CBLB: variants seen among roughly 807,000 people sequenced by gnomAD.
CBLB encodes Cbl proto-oncogene B.
Under a neutral mutation model 104.9 loss-of-function variants are expected in CBLB, and 31 were observed. The ratio of observed to expected loss-of-function variants is 0.30; its 90% CI spans 0.22 to 0.40. The LOEUF (loss-of-function observed/expected upper bound fraction) is 0.40, where lower values mean the gene tolerates loss of function less well. Ranked by LOEUF, CBLB falls within the 10% of genes least tolerant of loss-of-function variation. The pLI, the probability that CBLB is intolerant of heterozygous loss-of-function variation, is 1.00. For synonymous variants in CBLB, 440 were observed against 422.6 expected (o/e 1.04, Z -0.51); for missense variants, 1,062 against 1,214.6 (o/e 0.87, Z 1.87).
intron 4 of CBLB, among the ~76,000 whole-genome samples, chr3:105,775,403 A>G (rs559804794): frequency 1.3e-5 from 2 of 152,346 alleles, no homozygotes; most frequent in East Asian, 1.9e-4. Flanking sequence ...AGGAAAACCA[A>G]TATCGCAGTT....
intron 3 of CBLB, among the ~76,000 whole-genome samples, chr3:105,834,174 G>A (rs890590843): frequency 4.3e-5 from 1 of 23,246 alleles, no homozygotes; most frequent in Non-Finnish European, 2.0e-4. Context: ...AGTTCAAGAG[G>A]TTAACAATGT....
At chr3:105,768,948 T>C (rs2078533784) in intron 4 of CBLB, among the ~76,000 whole-genome samples, 1 of 152,202 alleles carries the variant, frequency 6.6e-6, no homozygotes, top group African/African-American at 2.4e-5. Context: ...AATTTATATA[T>C]AATGAAGTCA....
intron 3 of CBLB, among the ~76,000 whole-genome samples, chr3:105,798,196 G>A (rs1271830817): frequency 2.6e-5 from 4 of 152,162 alleles, no homozygotes; most frequent in Non-Finnish European, 5.9e-5. Context: ...GAGATATAAA[G>A]TCCTAGTTAA....
chr3:105,715,883 A>G (rs1006405342), intron 10 of CBLB, among the ~76,000 whole-genome samples: 4 of 152,134 alleles, frequency 2.6e-5, no homozygotes, highest in Non-Finnish European at 5.9e-5. Context: ...TACTAAAAAT[A>G]CAAAAATTAG....
chr3:105,789,830 T>C (rs2081436846), intron 3 of CBLB, among the ~76,000 whole-genome samples: 1 of 152,182 alleles, frequency 6.6e-6, no homozygotes, highest in African/African-American at 2.4e-5. Context: ...CAATGGGGTC[T>C]CTGTTTAAAA....
chr3:105,665,694 T>A (rs1426878079), intron 18 of CBLB, among the ~76,000 whole-genome samples: 1 of 148,442 alleles, frequency 6.7e-6, no homozygotes, highest in East Asian at 1.9e-4. Flanking sequence ...TGCATAACTA[T>A]ATAAATACAA....
intron 3 of CBLB, among the ~76,000 whole-genome samples, chr3:105,839,674 C>A (rs1365274250): frequency 1.3e-5 from 2 of 152,182 alleles, no homozygotes; most frequent in African/African-American, 4.8e-5. Flanking sequence ...GCCATTGTAG[C>A]CACAGACAGT....
intron 3 of CBLB, among the ~76,000 whole-genome samples, chr3:105,798,834 T>G (rs907371109): frequency 6.6e-6 from 1 of 152,122 alleles, no homozygotes; most frequent in Non-Finnish European, 1.5e-5. Context: ...GATGTCAAAA[T>G]CTCCTAACTG....
chr3:105,761,519 T>TATA, intron 4 of CBLB, among the ~76,000 whole-genome samples: 1 of 152,308 alleles, frequency 6.6e-6, no homozygotes, highest in South Asian at 2.1e-4. Context: ...CTGAGGGTTT[T>TATA]ATAGGGGTTT....
intron 3 of CBLB, 91 bp from the exon 4 acceptor site, chr3:105,776,633 T>C (rs947464531): frequency 8.4e-7 from 1 of 1,184,268 alleles, no homozygotes; most frequent in Non-Finnish European, 1.2e-6. Flanking sequence ...ACAAACAATG[T>C]TATGTATGTA....
At chr3:105,659,377 T>G in intron 18 of CBLB, 148 bp from the exon 19 acceptor site, 1 of 826,902 alleles carries the variant, frequency 1.2e-6, no homozygotes, top group Non-Finnish European at 1.9e-6. Context: ...TCCATACTAT[T>G]GTGAGATAGG....
chr3:105,676,957 T>C (rs1212103388), intron 17 of CBLB, among the ~76,000 whole-genome samples: 1 of 152,300 alleles, frequency 6.6e-6, no homozygotes, highest in East Asian at 1.9e-4. Context: ...TCTGCCATGA[T>C]TGTATGTTTT....
intron 8 of CBLB, among the ~76,000 whole-genome samples, chr3:105,735,058 A>G (rs2074754660): frequency 6.6e-6 from 1 of 152,248 alleles, no homozygotes; most frequent in South Asian, 2.1e-4. Context: ...GGGTAAATAA[A>G]GCAACTTTTA....
rs774484928 is a variant in CBLB, at chr3:105,734,036, C to T, written c.1176G>A (p.Met392Ile). ...GCCATGCCGTAAGGCAAGAGGTGCA[C>T]ATCAAATGCCCACAAGGCTCAATCT... ...DVKIEPCGHL[M>I]CTSCLTAWQE... The change falls in exon 9 of 19, where the codon ATG becomes ATA. Residue 392 changes from methionine to isoleucine, a missense_variant. Transcript: ENST00000394030. 1 of 1,614,092 alleles carries T rather than the reference C, an allele frequency of 6.2e-7. No homozygotes were observed. Among genetic ancestry groups the T allele is most frequent in the Non-Finnish European group, 8.5e-7 (1 of 1,179,928 alleles).
chr3:105,679,335 TTAAAA>T (rs1400252593), intron 16 of CBLB, among the ~76,000 whole-genome samples: 7 of 75,130 alleles, frequency 9.3e-5, no homozygotes, highest in Non-Finnish European at 1.5e-4. Context: ...CCTTGAGTCT[TTAAAA>T]AAAAAAAAAA....
intron 3 of CBLB, among the ~76,000 whole-genome samples, chr3:105,818,103 C>A (rs1024901302): frequency 1.3e-5 from 2 of 151,984 alleles, no homozygotes; most frequent in African/African-American, 4.8e-5. Context: ...TTCAAAAACA[C>A]CACAAATTTC....
At chr3:105,663,342 G>A (rs1181809562) in intron 18 of CBLB, among the ~76,000 whole-genome samples, 1 of 152,174 alleles carries the variant, frequency 6.6e-6, no homozygotes, top group Non-Finnish European at 1.5e-5. Flanking sequence ...CAGCAGCCCT[G>A]AGCTTCCATA....
rs117518071 is a variant in CBLB at position 105,701,932 on chromosome 3, A to G, written c.1959+162T>C. 1.1e-3 allele frequency among the ~76,000 whole-genome samples: 168 copies of G among 152,304 alleles called. 5 individuals are homozygous for G. The East Asian group carries it at 0.028, about 26-fold the overall frequency. On this transcript the variant is annotated intron_variant, in intron 12 of 18. Coordinates refer to ENST00000394030, the MANE Select transcript of CBLB (RefSeq NM_170662.5). ...AACCTCCTGACTTCTCTTAAGTTCA[A>G]GTTTTAATGAGCTTCTGATTATTTA...
intron 16 of CBLB, 77 bp from the exon 17 acceptor site, chr3:105,678,648 T>C (rs55847214): frequency 0.011 from 16,346 of 1,450,008 alleles, 147 homozygotes; most frequent in Non-Finnish European, 0.013. Context: ...AAAGTAATAA[T>C]TGATTTTCTC....
Sources: gnomAD v4.1 joint callset for allele counts (sites outside exome capture counted in the v4.1 genomes callset) on GRCh38, gnomAD v4.1.1 for gene constraint, MANE v1.5 for transcripts, NCBI Gene and HGNC (gene_info 2026-07-23, HGNC 2026-07-21) for gene names.